Variants in AMD1 observed in about 807,000 individuals in gnomAD.
AMD1 encodes the protein adenosylmethionine decarboxylase 1, also known as S-adenosylmethionine decarboxylase proenzyme.
Under a neutral mutation model 40.2 loss-of-function variants are expected in AMD1, and 11 were observed. That is an observed-to-expected ratio of 0.27 (90% CI 0.17 to 0.45). AMD1 has a LOEUF of 0.45. AMD1 is among the 20% of genes least tolerant of loss of function. The pLI is 1.00. For synonymous variants in AMD1, 121 were observed against 130.8 expected (o/e 0.93, Z 0.51); for missense variants, 257 against 410.2 (o/e 0.63, Z 3.23).
At chr6:110,823,803 A>AT in the AMD1 span, among the ~76,000 whole-genome samples, 36 of 152,320 alleles carry the variant, frequency 2.4e-4, no homozygotes, top group African/African-American at 8.7e-4. Flanking sequence ...CTAGGAATAT[A>AT]TTTAACCAAG....
intron 1 of AMD1, among the ~76,000 whole-genome samples, chr6:110,879,476 T>A (rs1785291103): frequency 6.6e-6 from 1 of 152,048 alleles, no homozygotes; most frequent in Non-Finnish European, 1.5e-5. Context: ...AGAGAAACAA[T>A]AATGTGATGA....
At chr6:110,851,263 G>T in the AMD1 span, among the ~76,000 whole-genome samples, 2 of 152,052 alleles carry the variant, frequency 1.3e-5, no homozygotes, top group Non-Finnish European at 2.9e-5. Flanking sequence ...ACCACGCCCG[G>T]CCTTTTCTTT....
chr6:110,830,256 C>G, the AMD1 span, among the ~76,000 whole-genome samples: 1 of 152,024 alleles, frequency 6.6e-6, no homozygotes, highest in African/African-American at 2.4e-5. Flanking sequence ...CCTCATGATC[C>G]GCCCACCTGA....
At chr6:110,823,741 C>A in the AMD1 span, among the ~76,000 whole-genome samples, 1 of 152,066 alleles carries the variant, frequency 6.6e-6, no homozygotes, top group African/African-American at 2.4e-5. Context: ...CTATTGGGTT[C>A]TTTTCTAGAA....
At chr6:110,893,270 C>T (rs913360952) in intron 8 of AMD1, among the ~76,000 whole-genome samples, 1 of 152,320 alleles carries the variant, frequency 6.6e-6, no homozygotes, top group Middle Eastern at 3.4e-3. Context: ...TCTAGCCAAA[C>T]TGATGGGTTC....
At chr6:110,857,774 A>ATATATATATATAGATGG in the AMD1 span, among the ~76,000 whole-genome samples, 1 of 147,656 alleles carries the variant, frequency 6.8e-6, no homozygotes, top group Non-Finnish European at 1.5e-5. Flanking sequence ...TGGTGTGTAT[A>ATATATATATATAGATGG]TATATATATA....
At chr6:110,815,010 C>T in the AMD1 span, 48 of 1,604,428 alleles carry the variant, frequency 3.0e-5, no homozygotes, top group Non-Finnish European at 4.1e-5. Flanking sequence ...TGCTCTTACC[C>T]ATCTTTCCGC....
the AMD1 span, chr6:110,815,251 G>GCGCGCGCCGCCCGC: frequency 2.5e-6 from 3 of 1,198,636 alleles, no homozygotes; most frequent in Admixed American, 8.8e-5. Flanking sequence ...TCGCGCGCGC[G>GCGCGCGCCGCCCGC]CGCGCGCCGC....
the AMD1 span, among the ~76,000 whole-genome samples, chr6:110,825,704 G>A: frequency 6.6e-6 from 1 of 152,172 alleles, no homozygotes; most frequent in African/African-American, 2.4e-5. Flanking sequence ...TACTCTTCCA[G>A]GAGTGATATT....
At chr6:110,826,271 CAAAAAAAAAAA>C in the AMD1 span, among the ~76,000 whole-genome samples, 2 of 59,346 alleles carry the variant, frequency 3.4e-5, no homozygotes, top group Non-Finnish European at 3.0e-5. Flanking sequence ...GACACCATCC[CAAAAAAAAAAA>C]AAAAAAAAAA....
chr6:110,875,640 T>C (rs1785062569), intron 1 of AMD1: 1 of 157,622 alleles, frequency 6.3e-6, no homozygotes, highest in South Asian at 1.9e-4. Context: ...TCGGCGGGCT[T>C]AGTCAGGCGC....
chr6:110,818,684 G>A, the AMD1 span, among the ~76,000 whole-genome samples: 1 of 152,126 alleles, frequency 6.6e-6, no homozygotes, highest in African/African-American at 2.4e-5. Context: ...GGGATTACAG[G>A]CATGTGCCAC....
the AMD1 span, chr6:110,814,670 T>C: frequency 1.9e-6 from 1 of 521,118 alleles, no homozygotes; most frequent in East Asian, 5.1e-5. Context: ...GCCTGCCCGC[T>C]GCGTTCCCCC....
At chr6:110,882,003 AATAG>A (rs1325321430) in intron 1 of AMD1, among the ~76,000 whole-genome samples, 3 of 152,206 alleles carry the variant, frequency 2.0e-5, no homozygotes, top group Non-Finnish European at 2.9e-5. Context: ...AGGATTGCCA[AATAG>A]ATCAGTTTTA....
the AMD1 span, among the ~76,000 whole-genome samples, chr6:110,825,022 G>A: frequency 2.6e-5 from 4 of 152,174 alleles, no homozygotes; most frequent in Admixed American, 6.5e-5. Context: ...GCAATACCCA[G>A]TATAGTAGTC....
At chr6:110,851,465 T>C in the AMD1 span, among the ~76,000 whole-genome samples, 1 of 151,836 alleles carries the variant, frequency 6.6e-6, no homozygotes. Flanking sequence ...TTCATTGTTG[T>C]TGTTGTTGTC....
the AMD1 span, chr6:110,815,566 G>A: frequency 1.3e-5 from 2 of 155,042 alleles, no homozygotes. Flanking sequence ...CAGCTCCCAG[G>A]TTACCTCGGG....
At chr6:110,852,200 A>ATTTTTTTTTTT in the AMD1 span, among the ~76,000 whole-genome samples, 4 of 51,308 alleles carry the variant, frequency 7.8e-5, 1 homozygote, top group African/African-American at 1.2e-4. Context: ...CGCCTGGCTA[A>ATTTTTTTTTTT]TTTTTTTTTT....
At chr6:110,886,471 A>G (rs1785693563) in intron 1 of AMD1, among the ~76,000 whole-genome samples, 1 of 151,960 alleles carries the variant, frequency 6.6e-6, no homozygotes, top group South Asian at 2.1e-4. Flanking sequence ...ACGCCCGGCT[A>G]ATTTTTGTAT....
Sources: allele counts gnomAD v4.1 joint callset (sites outside exome capture counted in the v4.1 genomes callset), GRCh38; gene constraint gnomAD v4.1.1; transcripts MANE v1.5; gene names NCBI Gene and HGNC (gene_info 2026-07-23, HGNC 2026-07-21).